Variants in LIMS1 observed in about 807,000 individuals in gnomAD.
The protein encoded by LIMS1 is LIM and senescent cell antigen-like-containing domain protein 1.
A neutral mutation model predicts 44.1 loss-of-function variants in LIMS1; 18 were observed. The ratio of observed to expected loss-of-function variants is 0.41; its 90% confidence interval spans 0.28 to 0.61. The LOEUF (loss-of-function observed/expected upper bound fraction) is 0.61. Among genes scored for constraint, LIMS1 ranks in the 20% least tolerant of loss-of-function variants. LIMS1 has a pLI of 0.32. For synonymous variants in LIMS1, 93 were observed against 149.1 expected (o/e 0.62, Z 2.74); for missense variants, 201 against 422.0 (o/e 0.48, Z 4.59).
chr2:108,624,392 G>A (rs145420290), intron 1 of LIMS1, among the ~76,000 whole-genome samples: 197 of 152,286 alleles, frequency 1.3e-3, no homozygotes, highest in Non-Finnish European at 2.4e-3. Context: ...AGATAGAAGG[G>A]ATCTATAAAT....
At chr2:108,665,135 T>A (rs1304960680) in intron 2 of LIMS1, among the ~76,000 whole-genome samples, 1 of 152,188 alleles carries the variant, frequency 6.6e-6, no homozygotes, top group Non-Finnish European at 1.5e-5. Context: ...CAGGTACAGA[T>A]ATGCACGCCC....
chr2:108,677,002 T>C (rs1692610901), intron 7 of LIMS1: 1 of 320,870 alleles, frequency 3.1e-6, no homozygotes, highest in Non-Finnish European at 5.7e-6. Flanking sequence ...AATAAGTTCA[T>C]CATACTCCTT....
chr2:108,553,512 G>C (rs1313278239), intron 1 of LIMS1, among the ~76,000 whole-genome samples: 3 of 152,126 alleles, frequency 2.0e-5, no homozygotes, highest in Non-Finnish European at 4.4e-5. Flanking sequence ...ACTAGAGTTA[G>C]AAGAGACTTT....
At chr2:108,625,947 C>T (rs1034253672) in intron 1 of LIMS1, among the ~76,000 whole-genome samples, 8 of 152,242 alleles carry the variant, frequency 5.3e-5, no homozygotes, top group African/African-American at 1.7e-4. Context: ...TAATTGAACC[C>T]CTGTTATAGG....
rs560923738 is a variant in LIMS1 at position 108,623,323 on chromosome 2, A to G, written c.33-36282A>G. Among the ~76,000 whole-genome samples, 9 of 152,244 alleles carry G rather than the reference A, an allele frequency of 5.9e-5. No homozygotes were observed. In the South Asian group the frequency reaches 1.7e-3, roughly 28 times the overall value. ...TGAGCTAATAGGAATCAAAGAGAGTAAGGACTTTGAAGTTAGGTACACCAG... is the reference window on the plus strand; with the variant it reads ...TGAGCTAATAGGAATCAAAGAGAGTGAGGACTTTGAAGTTAGGTACACCAG... On this transcript the variant is annotated intron_variant, in intron 1 of 9. Coordinates refer to ENST00000544547, the Ensembl canonical transcript of LIMS1.
intron 1 of LIMS1, among the ~76,000 whole-genome samples, chr2:108,569,335 G>A (rs576675154): frequency 6.6e-6 from 1 of 152,254 alleles, no homozygotes; most frequent in South Asian, 2.1e-4. Context: ...AAGTTTTAAA[G>A]TTTGATATAG....
At position 108,683,072 on chromosome 2, in the gene LIMS1, T is replaced by C. The variant is rs1466757273; in HGVS notation, c.900-813T>C. 3.3e-5 allele frequency among the ~76,000 whole-genome samples: 5 copies of C among 152,340 alleles called. No homozygotes were observed. In the East Asian group the frequency reaches 9.6e-4, roughly 29 times the overall value. ...TTGCTCTAGCTTTTCAAAAGAATAG[T>C]TGAGTTCTTCAAATAGCTACCGCTT... is the stretch of plus-strand genomic sequence containing the variant. On this transcript the variant is annotated intron_variant, in intron 9 of 9. Transcript: ENST00000544547.
At chr2:108,615,462 G>A (rs1422444839) in intron 1 of LIMS1, among the ~76,000 whole-genome samples, 1 of 152,112 alleles carries the variant, frequency 6.6e-6, no homozygotes, top group Non-Finnish European at 1.5e-5. Flanking sequence ...TTTGGGTCGG[G>A]TGGGGGGTAT....
chr2:108,587,290 TTGTGTGTGTGTGTGTGTGTGTGTGTG>T (rs58815332), intron 1 of LIMS1, among the ~76,000 whole-genome samples: 4,854 of 106,092 alleles, frequency 0.046, 292 homozygotes, highest in African/African-American at 0.14. Context: ...TTCTTGGGGT[TTGTGTGTGTGTGTGTGTGTGTGTGTG>T]TGTGTGTGTG....
At chr2:108,644,876 G>A (rs967267365) in intron 1 of LIMS1, among the ~76,000 whole-genome samples, 3 of 151,586 alleles carry the variant, frequency 2.0e-5, no homozygotes, top group Non-Finnish European at 2.9e-5. Context: ...CAGCCAAGTC[G>A]ATCAAGCAGA....
intron 1 of LIMS1, among the ~76,000 whole-genome samples, chr2:108,646,799 G>A (rs1373626692): frequency 6.6e-6 from 1 of 152,118 alleles, no homozygotes; most frequent in East Asian, 1.9e-4. Flanking sequence ...TCCGCCTCCC[G>A]AGTTCATGCC....
chr2:108,567,606 C>G (rs2104624134), intron 1 of LIMS1, among the ~76,000 whole-genome samples: 1 of 152,270 alleles, frequency 6.6e-6, no homozygotes, highest in East Asian at 1.9e-4. Context: ...GAGTCTCGCT[C>G]TGTCATCCAG....
At chr2:108,679,734 G>T (rs1489898092) in intron 8 of LIMS1, among the ~76,000 whole-genome samples, 2 of 145,786 alleles carry the variant, frequency 1.4e-5, no homozygotes, top group Non-Finnish European at 3.0e-5. Flanking sequence ...CTGGGCAACA[G>T]AGCAAGACCT....
chr2:108,586,571 T>C (rs138576749), intron 1 of LIMS1, among the ~76,000 whole-genome samples: 46 of 152,340 alleles, frequency 3.0e-4, no homozygotes, highest in African/African-American at 1.1e-3. Context: ...TACGTCCTTA[T>C]GCGAGTGGCG....
intron 2 of LIMS1, among the ~76,000 whole-genome samples, chr2:108,666,860 G>A (rs1245918422): frequency 2.0e-5 from 3 of 152,106 alleles, no homozygotes; most frequent in Non-Finnish European, 4.4e-5. Flanking sequence ...GAAGAGATAC[G>A]TAGGGTGAGG....
rs547630866 is a variant in LIMS1, at chr2:108,575,831, T to C, written c.32+41237T>C. Among the ~76,000 whole-genome samples, 49 of 152,374 alleles carry C rather than the reference T, an allele frequency of 3.2e-4. No individual in the cohort carries two copies. In the South Asian group the frequency reaches 9.9e-3, roughly 31 times the overall value. On this transcript the variant is annotated intron_variant, in intron 1 of 9. Coordinates refer to ENST00000544547, the Ensembl canonical transcript of LIMS1. ...TGTGTGTGTGTGGTATTATTCATTT[T>C]GGCTGTTTGGATGGCATGTGATACA...
intron 1 of LIMS1, among the ~76,000 whole-genome samples, chr2:108,570,605 A>T (rs909193739): frequency 2.6e-5 from 4 of 152,182 alleles, no homozygotes; most frequent in Admixed American, 2.6e-4. Flanking sequence ...AGATAAAAAA[A>T]GCTGAACTCT....
At position 108,599,010 on chromosome 2, in the gene LIMS1, C is replaced by T. The variant is rs1421932656; in HGVS notation, c.33-60595C>T. Among the ~76,000 whole-genome samples, 10 of 152,202 alleles carry T rather than the reference C, an allele frequency of 6.6e-5. No homozygotes were observed. The East Asian group carries it at 1.9e-3, about 29-fold the overall frequency. On this transcript the variant is annotated intron_variant, in intron 1 of 9. Transcript: ENST00000544547. Reference sequence around the variant, plus strand: ...GGGGGGTGATATTTATCCCCTCAAGCATTTATTCTTTATGTTACAAACAAT... The same window carrying T: ...GGGGGGTGATATTTATCCCCTCAAGTATTTATTCTTTATGTTACAAACAAT...
chr2:108,622,251 T>C (rs1558814005), intron 1 of LIMS1, among the ~76,000 whole-genome samples: 1 of 152,174 alleles, frequency 6.6e-6, no homozygotes, highest in Admixed American at 6.5e-5. Flanking sequence ...TTGGAGGTCT[T>C]GATTTAAGTG....
Sources: allele counts gnomAD v4.1 joint callset (sites outside exome capture counted in the v4.1 genomes callset), GRCh38; gene constraint gnomAD v4.1.1; transcripts MANE v1.5; gene names NCBI Gene and HGNC (gene_info 2026-07-23, HGNC 2026-07-21).